The following ZC3H12B variants were observed in gnomAD, a reference collection of about 807,000 sequenced individuals.
The protein encoded by ZC3H12B is zinc finger CCCH-type containing 12B, also known as probable ribonuclease ZC3H12B.
Under a neutral mutation model 43.9 loss-of-function variants are expected in ZC3H12B, and 7 were observed. That is an observed-to-expected ratio of 0.16 (90% CI 0.09 to 0.30). ZC3H12B has a LOEUF of 0.30. Ranked by LOEUF, ZC3H12B falls within the 10% of genes least tolerant of loss-of-function variation. The pLI is 1.00. For missense variants in ZC3H12B, 475 were observed against 670.2 expected (o/e 0.71, Z 3.22); for synonymous variants, 222 against 241.7 (o/e 0.92, Z 0.76).
chrX:65,399,042 C>T (rs7892223), intron 3 of ZC3H12B, among the ~76,000 whole-genome samples: 9,401 of 111,909 alleles, frequency 0.084, 1,061 homozygotes, highest in African/African-American at 0.29. Context: ...ATATTAAAGA[C>T]GCAAATATAA....
the ZC3H12B span, among the ~76,000 whole-genome samples, chrX:65,152,089 A>G: frequency 8.9e-6 from 1 of 111,761 alleles, no homozygotes; most frequent in Non-Finnish European, 1.9e-5. Flanking sequence ...TCTGCAAATA[A>G]TAAGAGCTAT....
chrX:65,348,162 A>G, the ZC3H12B span, among the ~76,000 whole-genome samples: 1 of 112,021 alleles, frequency 8.9e-6, no homozygotes, highest in Non-Finnish European at 1.9e-5. Context: ...GCACACCAAC[A>G]TGGCACATGT....
At chrX:65,057,605 A>G in the ZC3H12B span, among the ~76,000 whole-genome samples, 1 of 110,686 alleles carries the variant, frequency 9.0e-6, no homozygotes, top group Non-Finnish European at 1.9e-5. Context: ...CATTCTCTGT[A>G]TTTCCTGAAT....
At chrX:65,438,984 G>A (rs2067265625) in intron 3 of ZC3H12B, among the ~76,000 whole-genome samples, 1 of 112,869 alleles carries the variant, frequency 8.9e-6, no homozygotes, top group South Asian at 3.6e-4. Flanking sequence ...AGCAAGGGCA[G>A]CTTTGTCATG....
chrX:65,304,890 G>A, the ZC3H12B span, among the ~76,000 whole-genome samples: 20 of 111,302 alleles, frequency 1.8e-4, no homozygotes, highest in Non-Finnish European at 3.8e-5. Context: ...ATATTGTAAA[G>A]ACAAGCTATA....
chrX:65,080,415 TACC>T, the ZC3H12B span, among the ~76,000 whole-genome samples: 5 of 110,333 alleles, frequency 4.5e-5, no homozygotes, highest in African/African-American at 1.6e-4. Context: ...GAAAGAAGAC[TACC>T]TCAAGGTATT....
intron 3 of ZC3H12B, among the ~76,000 whole-genome samples, chrX:65,465,033 C>T (rs1428492898): frequency 3.6e-5 from 4 of 110,924 alleles, no homozygotes; most frequent in Non-Finnish European, 7.6e-5. Context: ...TATGTATGCC[C>T]TAACATATTA....
chrX:65,212,109 A>G, the ZC3H12B span, among the ~76,000 whole-genome samples: 1 of 58,144 alleles, frequency 1.7e-5, no homozygotes, highest in Admixed American at 3.5e-4. Flanking sequence ...TATATATTGT[A>G]TAATATATAG....
the ZC3H12B span, among the ~76,000 whole-genome samples, chrX:65,168,977 A>G: frequency 9.0e-6 from 1 of 111,163 alleles, no homozygotes; most frequent in African/African-American, 3.3e-5. Flanking sequence ...GATCTTTTCA[A>G]AAAAACAAAT....
At chrX:65,068,391 G>T in the ZC3H12B span, among the ~76,000 whole-genome samples, 1 of 109,056 alleles carries the variant, frequency 9.2e-6, no homozygotes, top group African/African-American at 3.3e-5. Flanking sequence ...TGTGATTTTT[G>T]GTTTGAGGTT....
At chrX:65,252,254 G>T in the ZC3H12B span, among the ~76,000 whole-genome samples, 2 of 111,241 alleles carry the variant, frequency 1.8e-5, no homozygotes, top group South Asian at 3.8e-4. Context: ...ATTTGTGTAT[G>T]TTGAACCAGC....
the ZC3H12B span, among the ~76,000 whole-genome samples, chrX:65,184,822 TCAG>T: frequency 9.0e-6 from 1 of 111,707 alleles, no homozygotes; most frequent in South Asian, 3.7e-4. Context: ...CTGTAGCCCA[TCAG>T]CAATAGATTT....
At chrX:65,141,637 T>C in the ZC3H12B span, among the ~76,000 whole-genome samples, 1 of 110,537 alleles carries the variant, frequency 9.0e-6, no homozygotes, top group Non-Finnish European at 1.9e-5. Flanking sequence ...CAGTATACAC[T>C]GCACCCTATT....
At chrX:65,503,020 T>A in exon 5 of ZC3H12B, 1 of 1,211,184 alleles carries the variant, frequency 8.3e-7, no homozygotes, top group Non-Finnish European at 1.1e-6. Context: ...TTTGGAGGAA[T>A]CCTTGGGTTG....
the ZC3H12B span, among the ~76,000 whole-genome samples, chrX:65,190,984 A>G: frequency 2.2e-5 from 2 of 89,246 alleles, no homozygotes; most frequent in African/African-American, 5.3e-5. Flanking sequence ...TCAATACCTA[A>G]TTTATTGAGA....
At chrX:65,495,481 C>T (rs1250235095) in intron 1 of ZC3H12B, among the ~76,000 whole-genome samples, 3 of 111,868 alleles carry the variant, frequency 2.7e-5, no homozygotes, top group Non-Finnish European at 3.8e-5. Context: ...GTGAGAAGCC[C>T]CATCACATTG....
At chrX:65,382,416 A>G (rs1480677227) in intron 2 of ZC3H12B, among the ~76,000 whole-genome samples, 5 of 111,459 alleles carry the variant, frequency 4.5e-5, no homozygotes, top group Non-Finnish European at 9.4e-5. Context: ...TTCATGCTAA[A>G]AACTCTCAAT....
the ZC3H12B span, among the ~76,000 whole-genome samples, chrX:65,337,125 T>A: frequency 1.8e-5 from 2 of 111,271 alleles, no homozygotes; most frequent in African/African-American, 3.3e-5. Context: ...AGACTCCAAC[T>A]CCTCTAAGTT....
chrX:65,129,845 G>A, the ZC3H12B span, among the ~76,000 whole-genome samples: 1 of 111,141 alleles, frequency 9.0e-6, no homozygotes, highest in Non-Finnish European at 1.9e-5. Context: ...CCTAGAGTGG[G>A]AGAGATTAAG....
Sources: gnomAD v4.1 joint callset for allele counts (sites outside exome capture counted in the v4.1 genomes callset) on GRCh38, gnomAD v4.1.1 for gene constraint, MANE v1.5 for transcripts, NCBI Gene and HGNC (gene_info 2026-07-23, HGNC 2026-07-21) for gene names.